SULF2: variants seen among roughly 807,000 people sequenced by gnomAD.
The protein encoded by SULF2 is extracellular sulfatase Sulf-2.
In SULF2, 52 loss-of-function variants were observed where a neutral mutation model predicts 107.7. That is an observed-to-expected ratio of 0.48 (90% CI 0.39 to 0.61). SULF2 has a LOEUF of 0.61. SULF2 is among the 20% of genes least tolerant of loss of function. SULF2 has a pLI of 0.00. For synonymous variants in SULF2, 460 were observed against 464.3 expected (o/e 0.99, Z 0.12); for missense variants, 993 against 1,177.3 (o/e 0.84, Z 2.29).
chr20:47,739,669 T>C (rs1466653409), intron 2 of SULF2, among the ~76,000 whole-genome samples: 1 of 152,260 alleles, frequency 6.6e-6, no homozygotes, highest in Non-Finnish European at 1.5e-5. Flanking sequence ...ATAAGTCATT[T>C]TGATTTCACT....
intron 3 of SULF2, among the ~76,000 whole-genome samples, chr20:47,716,339 T>C (rs1817541567): frequency 6.6e-6 from 1 of 152,186 alleles, no homozygotes; most frequent in Admixed American, 6.5e-5. Flanking sequence ...ACCCTGTCTC[T>C]ACTAAAAATA....
intron 1 of SULF2, among the ~76,000 whole-genome samples, chr20:47,760,126 C>T (rs2090386298): frequency 1.3e-5 from 2 of 152,324 alleles, no homozygotes; most frequent in Admixed American, 1.3e-4. Context: ...CAGCCACCCT[C>T]CATGGACACC....
intron 6 of SULF2, among the ~76,000 whole-genome samples, chr20:47,683,917 C>A (rs2087911415): frequency 6.6e-6 from 1 of 152,286 alleles, no homozygotes; most frequent in Non-Finnish European, 1.5e-5. Context: ...TGTACGATTC[C>A]ATTTATAGGA....
chr20:47,691,444 G>A (rs553187860), intron 4 of SULF2, among the ~76,000 whole-genome samples: 2 of 152,290 alleles, frequency 1.3e-5, no homozygotes, highest in East Asian at 3.9e-4. Flanking sequence ...CCCCTGGAGA[G>A]CTTACTGATA....
Position 47,678,397 on chromosome 20 carries a change from C to T in SULF2, c.1193+279G>A. 2.4e-6 allele frequency: 1 copy of T among 413,260 alleles called. No homozygotes were observed. 25.6% of individuals were successfully genotyped at this position (413,260 alleles called of 1,614,324 possible). On this transcript the variant is annotated intron_variant, in intron 8 of 20. Coordinates refer to ENST00000688720, the MANE Select transcript of SULF2 (RefSeq NM_001387048.1). This position sits in a 1 kb window ranked among gnomAD's most constrained non-coding sequence, Gnocchi z 4.5. The stretch of plus-strand genomic sequence containing the variant: ...AAGCGCCGTGCAGTTAGCACCATCT[C>T]CTACCATCACTGCTGCTATCATTTC...
chr20:47,732,221 T>C (rs1346522481), intron 3 of SULF2, among the ~76,000 whole-genome samples: 1 of 152,192 alleles, frequency 6.6e-6, no homozygotes, highest in Non-Finnish European at 1.5e-5. Context: ...CCCAAGTGCC[T>C]ACCACGACCA....
intron 3 of SULF2, among the ~76,000 whole-genome samples, chr20:47,713,964 T>C (rs2089019966): frequency 1.3e-5 from 2 of 151,786 alleles, no homozygotes; most frequent in South Asian, 4.2e-4. Flanking sequence ...GGAGTGTTCA[T>C]GCCGCACAGT....
At chr20:47,776,619 T>C (rs113778222) in intron 1 of SULF2, among the ~76,000 whole-genome samples, 1,603 of 152,174 alleles carry the variant, frequency 0.011, 37 homozygotes, top group African/African-American at 0.037. Context: ...CATGCAGAAA[T>C]ATTTAACCCA....
At chr20:47,746,154 T>G (rs2090030469) in intron 2 of SULF2, among the ~76,000 whole-genome samples, 1 of 152,234 alleles carries the variant, frequency 6.6e-6, no homozygotes, top group Non-Finnish European at 1.5e-5. Flanking sequence ...CCTAGCCCTG[T>G]GGGCATGGAG....
chr20:47,778,000 G>GT (rs1386890850), intron 1 of SULF2, among the ~76,000 whole-genome samples: 1 of 151,684 alleles, frequency 6.6e-6, no homozygotes, highest in Admixed American at 6.6e-5. Flanking sequence ...AATTAGCTGG[G>GT]TATGGTGGCC....
intron 2 of SULF2, among the ~76,000 whole-genome samples, chr20:47,737,626 G>A (rs77469556): frequency 0.11 from 16,259 of 151,870 alleles, 932 homozygotes; most frequent in East Asian, 0.2. Context: ...GTACCCTCTC[G>A]TAGGGAGCCT....
chr20:47,776,366 T>C (rs1408685607), intron 1 of SULF2, among the ~76,000 whole-genome samples: 1 of 152,208 alleles, frequency 6.6e-6, no homozygotes, highest in Non-Finnish European at 1.5e-5. Flanking sequence ...AAGGAGAGAC[T>C]TCGTTGTGTC....
intron 14 of SULF2, 55 bp from the exon 15 acceptor site, chr20:47,664,244 G>T: frequency 6.5e-7 from 1 of 1,550,348 alleles, no homozygotes; most frequent in South Asian, 1.2e-5. Flanking sequence ...GGGCTCCGCT[G>T]GCAGGTGCAA....
chr20:47,760,321 G>A (rs1004049835), intron 1 of SULF2, among the ~76,000 whole-genome samples: 2 of 152,184 alleles, frequency 1.3e-5, no homozygotes, highest in African/African-American at 4.8e-5. Flanking sequence ...CATGGGAGGT[G>A]GTGGGAAGTC....
At chr20:47,671,270 C>T (rs375064701) in intron 11 of SULF2, among the ~76,000 whole-genome samples, 1 of 152,202 alleles carries the variant, frequency 6.6e-6, no homozygotes, top group South Asian at 2.1e-4. Context: ...GGCTTTTCCC[C>T]ACTCAACTAT....
In SULF2 at chr20:47,680,768, C is replaced by T. The variant is rs895823249; in HGVS notation, c.1065-1964G>A. 1.3e-5 allele frequency among the ~76,000 whole-genome samples: 2 copies of T among 152,212 alleles called. No homozygotes were observed. Among genetic ancestry groups the T allele is most frequent in the Admixed American group, 6.5e-5 (1 of 15,282 alleles). ...CGGGCGCTCTGCAGAACCCAGCAAC[C>T]GGCAGCTAATGGGGCTGAGCTTGTC... On this transcript the variant is annotated intron_variant, in intron 7 of 20. Coordinates refer to ENST00000688720, the MANE Select transcript of SULF2 (RefSeq NM_001387048.1). This position sits in a 1 kb window ranked among gnomAD's most constrained non-coding sequence, Gnocchi z 4.2.
intron 1 of SULF2, among the ~76,000 whole-genome samples, chr20:47,768,749 G>A (rs1243533750): frequency 6.6e-6 from 1 of 152,222 alleles, no homozygotes; most frequent in Non-Finnish European, 1.5e-5. Context: ...GGCCTTCCCT[G>A]GCCCTCTGTC....
intron 2 of SULF2, among the ~76,000 whole-genome samples, chr20:47,756,780 G>T (rs575896010): frequency 6.6e-6 from 1 of 152,134 alleles, no homozygotes; most frequent in East Asian, 1.9e-4. Flanking sequence ...TCAGTAGCTG[G>T]GGTTACAGGT....
intron 1 of SULF2, among the ~76,000 whole-genome samples, chr20:47,772,642 A>C (rs1463485251): frequency 6.6e-6 from 1 of 152,092 alleles, no homozygotes; most frequent in Non-Finnish European, 1.5e-5. Flanking sequence ...TGGCATTTCC[A>C]ATGTAGTCCA....
Sources: allele counts gnomAD v4.1 joint callset (sites outside exome capture counted in the v4.1 genomes callset), GRCh38; gene constraint gnomAD v4.1.1; non-coding constraint Gnocchi (gnomAD v3.1); transcripts MANE v1.5; gene names NCBI Gene and HGNC (gene_info 2026-07-23, HGNC 2026-07-21).